WHR1: variants seen among roughly 807,000 people sequenced by gnomAD.
WHR1 encodes the protein MHC class III HLA-RP1.
chr6:31,978,919 A>G, the WHR1 span: 2 of 1,612,628 alleles, frequency 1.2e-6, no homozygotes. Flanking sequence ...CTTCAAGAGC[A>G]GGGGGAGATC....
At chr6:31,976,727 C>A in the WHR1 span, among the ~76,000 whole-genome samples, 1 of 152,232 alleles carries the variant, frequency 6.6e-6, no homozygotes, top group Non-Finnish European at 1.5e-5. Context: ...AGCCGAGATC[C>A]CGCCACTGCA....
chr6:31,978,322 G>GT, the WHR1 span, among the ~76,000 whole-genome samples: 1 of 151,856 alleles, frequency 6.6e-6, no homozygotes, highest in African/African-American at 2.4e-5. Context: ...GATGTGGCGG[G>GT]TGGGGGGGTC....
chr6:31,975,491 G>A, the WHR1 span, among the ~76,000 whole-genome samples: 4 of 150,514 alleles, frequency 2.7e-5, no homozygotes, highest in Middle Eastern at 3.4e-3. Flanking sequence ...ATGATCCACC[G>A]CACCCGGCCT....
the WHR1 span, chr6:31,973,123 G>A: frequency 2.1e-6 from 1 of 477,236 alleles, no homozygotes; most frequent in Non-Finnish European, 4.0e-6. Context: ...ATGGTGTATT[G>A]GAGATAGTGG....
the WHR1 span, among the ~76,000 whole-genome samples, chr6:31,976,048 C>CAA: frequency 6.7e-6 from 1 of 149,884 alleles, no homozygotes; most frequent in Admixed American, 6.6e-5. Context: ...CTGACCCCAC[C>CAA]ACCTCCCTCC....
chr6:31,977,531 A>G, the WHR1 span, among the ~76,000 whole-genome samples: 4 of 149,388 alleles, frequency 2.7e-5, no homozygotes, highest in African/African-American at 9.9e-5. Context: ...TTGTATTTTT[A>G]GTAGAGATGG....
the WHR1 span, among the ~76,000 whole-genome samples, chr6:31,976,728 C>T: frequency 2.6e-5 from 4 of 152,358 alleles, no homozygotes; most frequent in South Asian, 2.1e-4. Flanking sequence ...GCCGAGATCC[C>T]GCCACTGCAC....
At chr6:31,971,222 T>C in the WHR1 span, 4 of 1,569,462 alleles carry the variant, frequency 2.5e-6, no homozygotes, top group Non-Finnish European at 3.5e-6. This position sits in a 1 kb window ranked among gnomAD's most constrained non-coding sequence, Gnocchi z 4.5. Flanking sequence ...AATAGTCTTG[T>C]TTCTTCTAAG....
chr6:31,979,801 AG>A, the WHR1 span: 1 of 472,808 alleles, frequency 2.1e-6, no homozygotes, highest in African/African-American at 1.9e-5. Flanking sequence ...AAAAGCACAC[AG>A]GGGCCTGGCA....
chr6:31,979,311 A>G, the WHR1 span: 1 of 1,497,562 alleles, frequency 6.7e-7, no homozygotes, highest in South Asian at 1.2e-5. Flanking sequence ...AGGTGGAAGG[A>G]TCTGAGCAAG....
chr6:31,978,854 GCA>G, the WHR1 span: 1 of 1,577,654 alleles, frequency 6.3e-7, no homozygotes, highest in African/African-American at 1.3e-5. Flanking sequence ...GTATAGCAGA[GCA>G]TCTTACCCTG....
At chr6:31,972,069 G>T in the WHR1 span, 2 of 1,612,738 alleles carry the variant, frequency 1.2e-6, no homozygotes, top group Non-Finnish European at 1.7e-6. This position sits in a 1 kb window ranked among gnomAD's most constrained non-coding sequence, Gnocchi z 6.3. Context: ...CTCCCGGGGC[G>T]GGGGAGGTGT....
At chr6:31,971,573 G>C in the WHR1 span, 1 of 1,614,086 alleles carries the variant, frequency 6.2e-7, no homozygotes, top group Non-Finnish European at 8.5e-7. The surrounding 1 kb of genome is among the most constrained non-coding windows in gnomAD (Gnocchi z 4.5). Flanking sequence ...CCAGAGTAGA[G>C]GGCAGGGTCT....
At chr6:31,972,616 C>T in the WHR1 span, 25 of 1,607,476 alleles carry the variant, frequency 1.6e-5, no homozygotes, top group Non-Finnish European at 2.1e-5. The surrounding 1 kb of genome is among the most constrained non-coding windows in gnomAD (Gnocchi z 6.3). Context: ...GATTTATCTG[C>T]CCAGGGTCGG....
At chr6:31,976,348 G>T in the WHR1 span, among the ~76,000 whole-genome samples, 2 of 150,784 alleles carry the variant, frequency 1.3e-5, no homozygotes, top group African/African-American at 2.4e-5. Flanking sequence ...CCGGGCGGAG[G>T]GTCTCCTCCC....
chr6:31,971,486 C>CATCT, the WHR1 span: 1 of 1,614,132 alleles, frequency 6.2e-7, no homozygotes, highest in Non-Finnish European at 8.5e-7. This position sits in a 1 kb window ranked among gnomAD's most constrained non-coding sequence, Gnocchi z 4.5. Context: ...AGGGCTCGGG[C>CATCT]ATCTCCATGG....
chr6:31,972,504 T>A, the WHR1 span: 2 of 1,607,952 alleles, frequency 1.2e-6, no homozygotes, highest in South Asian at 1.1e-5. This position sits in a 1 kb window ranked among gnomAD's most constrained non-coding sequence, Gnocchi z 6.3. Context: ...CTCTTCGGGG[T>A]GAGCCAGGTA....
chr6:31,975,602 GTTTTT>G, the WHR1 span, among the ~76,000 whole-genome samples: 1 of 125,276 alleles, frequency 8.0e-6, no homozygotes, highest in African/African-American at 3.1e-5. Context: ...CCAAAGTGCT[GTTTTT>G]TTTTTTTTTA....
the WHR1 span, chr6:31,979,353 G>A: frequency 6.2e-7 from 1 of 1,604,106 alleles, no homozygotes; most frequent in Non-Finnish European, 8.5e-7. Flanking sequence ...GCTGTCCTGG[G>A]GGTGGAGGTT....
Sources: gnomAD v4.1 joint callset for allele counts (sites outside exome capture counted in the v4.1 genomes callset) on GRCh38, gnomAD v4.1.1 for gene constraint, Gnocchi (gnomAD v3.1) non-coding constraint, MANE v1.5 for transcripts, NCBI Gene and HGNC (gene_info 2026-07-23, HGNC 2026-07-21) for gene names.